The following MMS19 variants were observed in gnomAD, a reference collection of about 807,000 sequenced individuals.
MMS19 encodes the protein MMS19 cytosolic iron-sulfur assembly component.
MMS19 carries 77 observed loss-of-function variants against 129.8 expected under a neutral mutation model. The ratio of observed to expected loss-of-function variants is 0.59; its 90% CI spans 0.49 to 0.72. The LOEUF (loss-of-function observed/expected upper bound fraction) is 0.72. MMS19 is among the 30% of genes least tolerant of loss of function. The probability of loss-of-function intolerance (pLI) is 0.00; values close to 1 mark genes in which losing one functional copy is unlikely to be tolerated. For synonymous variants in MMS19, 491 were observed against 502.8 expected (o/e 0.98, Z 0.31); for missense variants, 1,168 against 1,266.3 (o/e 0.92, Z 1.18).
intron 3 of MMS19, chr10:97,480,199 T>G (rs543745676): frequency 1.3e-5 from 6 of 450,100 alleles, no homozygotes; most frequent in Admixed American, 1.0e-4. Flanking sequence ...CCGAGCCCTA[T>G]GCAAATCAGA....
intron 25 of MMS19, 138 bp downstream of exon 25, chr10:97,460,557 G>GTAA (rs2031505840): frequency 1.3e-6 from 1 of 776,118 alleles, no homozygotes. Flanking sequence ...GGGTGACAGA[G>GTAA]TAAGACCCTG....
intron 5 of MMS19, 90 bp downstream of exon 5, chr10:97,477,765 A>T: frequency 2.3e-6 from 2 of 873,848 alleles, no homozygotes; most frequent in Non-Finnish European, 3.5e-6. Context: ...AGAATTCAGA[A>T]CTTAGAAGGC....
At chr10:97,480,878 G>T in intron 3 of MMS19, 64 bp downstream of exon 3, 1 of 1,182,166 alleles carries the variant, frequency 8.5e-7, no homozygotes, top group Non-Finnish European at 1.2e-6. Flanking sequence ...AAGTTGGCTT[G>T]AATAGACATG....
At position 97,469,047 on chromosome 10, in the gene MMS19, G is replaced by A; in HGVS notation, c.982C>T (p.Leu328=). 6.3e-7 allele frequency: 1 copy of A among 1,583,908 alleles called. No homozygotes were observed. Among genetic ancestry groups the A allele is most frequent in the Non-Finnish European group, 8.6e-7 (1 of 1,166,038 alleles). ...ACAGAGCGAGACAAACACGCAGTCAGGGAGTGGAGGGCCGCCAGGCCCTCT... is the reference window on the plus strand; with the variant it reads ...ACAGAGCGAGACAAACACGCAGTCAAGGAGTGGAGGGCCGCCAGGCCCTCT... ...EAEGLAALHS[L]TACLSRSVLR... Residue 328 remains leucine (L), a synonymous_variant, in exon 12 of 31, where the codon CTG becomes TTG. Coordinates refer to ENST00000438925, the MANE Select transcript of MMS19 (RefSeq NM_022362.5).
chr10:97,498,464 TCTCCGGGGAAGCGCAAGGGGGCGGGG>T (rs1217751966), upstream of MMS19: 4 of 1,527,318 alleles, frequency 2.6e-6, no homozygotes, highest in African/African-American at 2.8e-5. Context: ...CCCGAGCCAA[TCTCCGGGGAAGCGCAAGGGGGCGGGG>T]CGCCGGGGTC....
chr10:97,475,518 C>T (rs925798367), intron 8 of MMS19, among the ~76,000 whole-genome samples: 2 of 151,806 alleles, frequency 1.3e-5, no homozygotes, highest in Non-Finnish European at 2.9e-5. Context: ...AGTTGGATCA[C>T]GAAGTCAGGG....
intron 18 of MMS19, 25 bp downstream of exon 18, chr10:97,465,780 G>T: frequency 1.2e-6 from 2 of 1,603,564 alleles, no homozygotes; most frequent in Non-Finnish European, 8.5e-7. Context: ...AGCCCAGTCC[G>T]TTGGTGGTTA....
chr10:97,474,630 A>G (rs2035400005), intron 8 of MMS19, among the ~76,000 whole-genome samples: 1 of 152,248 alleles, frequency 6.6e-6, no homozygotes, highest in Non-Finnish European at 1.5e-5. Context: ...TAACTCAAAT[A>G]GTTACACTAA....
intron 16 of MMS19, 132 bp downstream of exon 16, chr10:97,466,372 C>CTA: frequency 1.2e-6 from 1 of 820,854 alleles, no homozygotes; most frequent in Non-Finnish European, 2.1e-6. Flanking sequence ...CAGCCAGAGT[C>CTA]TAACACAGAG....
upstream of MMS19, chr10:97,498,429 A>G: frequency 1.3e-6 from 2 of 1,557,990 alleles, no homozygotes; most frequent in Non-Finnish European, 1.7e-6. Context: ...CGGTGGCTCG[A>G]GACGGGCTCT....
intron 16 of MMS19, 21 bp downstream of exon 16, chr10:97,466,483 C>G (rs2033520792): frequency 6.3e-7 from 1 of 1,585,532 alleles, no homozygotes; most frequent in South Asian, 1.1e-5. Context: ...CTTGCTCTAT[C>G]TCATTGCTTT....
intron 14 of MMS19, 29 bp downstream of exon 14, chr10:97,467,476 C>T: frequency 6.4e-7 from 1 of 1,557,484 alleles, no homozygotes; most frequent in Non-Finnish European, 8.9e-7. Flanking sequence ...CAACAGTCCC[C>T]AGAGCACTGC....
At chr10:97,464,132 T>A in intron 18 of MMS19, 119 bp from the exon 19 acceptor site, 3 of 872,180 alleles carry the variant, frequency 3.4e-6, no homozygotes, top group Non-Finnish European at 5.2e-6. Flanking sequence ...AGTGCCTTAT[T>A]AAAAAGCTGA....
chr10:97,498,236 C>T (rs1200396713), intron 1 of MMS19, 37 bp downstream of exon 1: 2 of 1,521,988 alleles, frequency 1.3e-6, no homozygotes, highest in Non-Finnish European at 1.8e-6. Flanking sequence ...CTCCTGTTGG[C>T]CCCCATGCGG....
chr10:97,466,985 G>T (rs780838118), intron 14 of MMS19, 84 bp from the exon 15 acceptor site: 108 of 1,545,696 alleles, frequency 7.0e-5, no homozygotes, highest in Non-Finnish European at 8.7e-5. Context: ...GCCAACCTGG[G>T]GTAGATTTTT....
In MMS19 at chr10:97,465,833, C is replaced by T. The variant is rs2033356241; in HGVS notation, c.1728G>A (p.Leu576=). 2.5e-6 allele frequency: 4 copies of T among 1,613,518 alleles called. No homozygotes were observed. In the African/African-American group the frequency reaches 5.3e-5, roughly 22 times the overall value. Residue 576 remains leucine, a synonymous_variant, in exon 18 of 31, where the codon CTG becomes CTA. Coordinates refer to ENST00000438925, the MANE Select transcript of MMS19 (RefSeq NM_022362.5). ...TGTTCACTTGCCAGAGATGCTGCAG[C>T]AGCAGAGGCAGTGTCTCCTTGACGA... ...PSIVKETLPL[L]LQHLWQVNRG... is the part of the protein sequence containing the mutation.
Position 97,496,444 on chromosome 10 carries a change from C to A in MMS19, c.112+1829G>T, listed in dbSNP as rs538747833. 2.2e-3 allele frequency among the ~76,000 whole-genome samples: 320 copies of A among 146,898 alleles called. 1 individual carries two copies. Among genetic ancestry groups the A allele is most frequent in the African/African-American group, 7.6e-3 (300 of 39,380 alleles). ...GCAGGAGGATTGCTTGAGCATAGGT[C>A]GAGGCTACAGTGAGCCATGATTTCA... is the stretch of plus-strand genomic sequence containing the variant. On this transcript the variant is annotated intron_variant, in intron 1 of 30. Transcript: ENST00000438925.
Position 97,476,733 on chromosome 10 carries a change from C to G in MMS19, c.634G>C (p.Glu212Gln). ...CAGGATGTCACTTCAAACAACTCCT[C>G]CACAAAGGGTCCTGTGGCAACAGAG... ...SRDYSLGPFV[E>Q]ELFEVTSCYF... is the part of the protein sequence containing the mutation. The change falls in exon 8 of 31, where the codon GAG becomes CAG. Residue 212 changes from glutamate (E) to glutamine (Q), a missense_variant. Around this residue, in one of 3 missense-constraint regions of MMS19, gnomAD observed 329 missense variants for 328.6 expected, o/e 1.00. Transcript: ENST00000438925. 6.2e-7 allele frequency: 1 copy of G among 1,613,852 alleles called. No homozygotes were observed.
intron 3 of MMS19, among the ~76,000 whole-genome samples, chr10:97,480,675 G>C (rs575990225): frequency 6.6e-6 from 1 of 152,220 alleles, no homozygotes; most frequent in African/African-American, 2.4e-5. Flanking sequence ...TCCATCTCCT[G>C]GGTTCAAGCG....
Sources: gnomAD v4.1 joint callset for allele counts (sites outside exome capture counted in the v4.1 genomes callset) on GRCh38, gnomAD v4.1.1 for gene constraint, gnomAD v4.1.1 regional missense constraint, MANE v1.5 for transcripts, NCBI Gene and HGNC (gene_info 2026-07-23, HGNC 2026-07-21) for gene names.